The following TAF12 variants were observed in gnomAD, a reference collection of about 807,000 sequenced individuals.
The protein encoded by TAF12 is transcription initiation factor TFIID subunit 12.
TAF12 carries 3 observed loss-of-function variants against 20.8 expected under a neutral mutation model. The ratio of observed to expected loss-of-function variants is 0.14; its 90% confidence interval spans 0.07 to 0.37. The LOEUF (loss-of-function observed/expected upper bound fraction) is 0.37, where lower values mean the gene tolerates loss of function less well. Among genes scored for constraint, TAF12 ranks in the 10% least tolerant of loss-of-function variants. The probability of loss-of-function intolerance (pLI) is 1.00; values close to 1 mark genes in which losing one functional copy is unlikely to be tolerated. For missense variants in TAF12, 131 were observed against 197.9 expected, an observed-to-expected ratio of 0.66 and a Z score of 2.03; for synonymous variants, 69 against 70.2, an observed-to-expected ratio of 0.98 and a Z score of 0.09.
At chr1:28,617,344 G>A (rs188967888) in intron 3 of TAF12, among the ~76,000 whole-genome samples, 75 of 152,038 alleles carry the variant, frequency 4.9e-4, no homozygotes, top group African/African-American at 1.7e-3. Flanking sequence ...TATTGCAGTG[G>A]TACAATCTTG....
chr1:28,620,619 G>A (rs1199829253), intron 2 of TAF12, among the ~76,000 whole-genome samples: 2 of 151,148 alleles, frequency 1.3e-5, no homozygotes, highest in Non-Finnish European at 2.9e-5. Context: ...TGTATTTTTA[G>A]TAGAGACGGG....
upstream of TAF12, chr1:28,643,097 C>A: frequency 1.0e-6 from 1 of 985,912 alleles, no homozygotes; most frequent in African/African-American, 1.7e-5. Flanking sequence ...CTTCCGGCAC[C>A]GCTCCCCGCC....
intron 2 of TAF12, among the ~76,000 whole-genome samples, chr1:28,619,581 ATT>A (rs1369606333): frequency 6.9e-6 from 1 of 145,594 alleles, no homozygotes; most frequent in Non-Finnish European, 1.5e-5. Context: ...CTCAGTGCCC[ATT>A]TGAGTCTCTT....
upstream of TAF12, chr1:28,646,168 G>C (rs2124402287): frequency 6.6e-6 from 1 of 152,226 alleles, no homozygotes; most frequent in Admixed American, 6.6e-5. Context: ...CAGCCACTCA[G>C]GAGACTGACA....
intron 2 of TAF12, among the ~76,000 whole-genome samples, chr1:28,620,777 G>T (rs72663814): frequency 0.041 from 6,273 of 152,028 alleles, 162 homozygotes; most frequent in Middle Eastern, 0.085. Flanking sequence ...TTATACCATT[G>T]CACTCTAGCC....
chr1:28,632,506 ACT>A (rs1667667295), intron 1 of TAF12, among the ~76,000 whole-genome samples: 1 of 152,040 alleles, frequency 6.6e-6, no homozygotes, highest in Non-Finnish European at 1.5e-5. Context: ...GCAGAGTAAG[ACT>A]CTGTCTCAAC....
At chr1:28,616,787 TA>T (rs1196120700) in intron 3 of TAF12, among the ~76,000 whole-genome samples, 1 of 152,006 alleles carries the variant, frequency 6.6e-6, no homozygotes, top group African/African-American at 2.4e-5. Context: ...TTGAGTAGTG[TA>T]AAAAATTCTC....
At chr1:28,636,805 A>G (rs920405547) in intron 1 of TAF12, among the ~76,000 whole-genome samples, 8 of 145,842 alleles carry the variant, frequency 5.5e-5, no homozygotes, top group Admixed American at 6.9e-5. Flanking sequence ...TGTCTCAGGG[A>G]AAAAAAAAAA....
intron 4 of TAF12, among the ~76,000 whole-genome samples, chr1:28,605,917 C>T (rs1305139454): frequency 1.3e-5 from 2 of 152,206 alleles, no homozygotes; most frequent in Non-Finnish European, 2.9e-5. Flanking sequence ...GCCACAGGCT[C>T]ATTTGCCAGG....
chr1:28,643,009 T>G lies in TAF12; in HGVS notation c.-102A>C. On this transcript the variant is annotated 5_prime_UTR_variant, in exon 1 of 6. Coordinates refer to ENST00000373824, the MANE Select transcript of TAF12 (RefSeq NM_005644.4). The stretch of plus-strand genomic sequence containing the variant: ...AGACTCACAGGCAGCAGCGTCTATC[T>G]CCCCATGATATGCAGAGACTGCCCC... The G allele has an allele frequency of 1.0e-6, 1 of 985,884 alleles. No individual in the cohort carries two copies. The highest frequency in any genetic ancestry group is 1.2e-6 in the Non-Finnish European group (1 of 830,008). The allele number at this position is 985,884 out of a possible 1,614,324, so 61.1% of individuals were successfully genotyped here. A position where few individuals can be genotyped will look rare whatever the true frequency, so the allele number is the denominator to read the frequency against.
At chr1:28,628,666 TAAAG>T (rs1557469285) in intron 1 of TAF12, among the ~76,000 whole-genome samples, 2 of 150,058 alleles carry the variant, frequency 1.3e-5, no homozygotes, top group African/African-American at 4.9e-5. Flanking sequence ...ATGATTTAAA[TAAAG>T]ACTTTAAAAA....
chr1:28,628,861 T>C (rs1025303430), intron 1 of TAF12, among the ~76,000 whole-genome samples: 5 of 152,114 alleles, frequency 3.3e-5, no homozygotes, highest in Non-Finnish European at 5.9e-5. Context: ...TCACCTGAGG[T>C]TGGGAGTTCG....
intron 1 of TAF12, among the ~76,000 whole-genome samples, chr1:28,625,899 C>CT (rs1216886589): frequency 1.3e-5 from 2 of 151,216 alleles, no homozygotes; most frequent in Admixed American, 6.6e-5. Context: ...AGGCTGGTCT[C>CT]TAACTCCTGG....
At chr1:28,609,492 CT>C (rs1016521297) in intron 4 of TAF12, among the ~76,000 whole-genome samples, 2 of 148,212 alleles carry the variant, frequency 1.3e-5, no homozygotes, top group South Asian at 2.2e-4. Flanking sequence ...TTAACTTTAA[CT>C]TTTTTTTTTC....
At chr1:28,606,380 C>G (rs566344568) in intron 4 of TAF12, among the ~76,000 whole-genome samples, 1 of 151,378 alleles carries the variant, frequency 6.6e-6, no homozygotes, top group South Asian at 2.1e-4. Context: ...CTCAGGTGAT[C>G]TGCCTGCCTC....
chr1:28,639,426 C>CAAAA (rs58772752), intron 1 of TAF12, among the ~76,000 whole-genome samples: 3 of 89,540 alleles, frequency 3.4e-5, no homozygotes, highest in African/African-American at 9.7e-5. Context: ...CTCCGTCTCA[C>CAAAA]AAAAAAAAAA....
intron 1 of TAF12, among the ~76,000 whole-genome samples, chr1:28,630,772 G>A (rs958349116): frequency 4.6e-5 from 7 of 151,760 alleles, no homozygotes; most frequent in East Asian, 1.9e-4. Flanking sequence ...TGGGCCAGGC[G>A]TGGTGGCTCA....
Position 28,621,903 on chromosome 1 carries a change from G to A in TAF12, c.168+11C>T, listed in dbSNP as rs1351175947. On this transcript the variant is annotated intron_variant, in intron 2 of 5. Coordinates refer to ENST00000373824, the MANE Select transcript of TAF12 (RefSeq NM_005644.4). ...AGTGGCTACAGAGAAGAAAGAGTAA[G>A]AGGATGATACCTGATTGTTTTCAGG... The A allele has an allele frequency of 1.2e-6, 2 of 1,610,868 alleles. No homozygotes were observed.
intron 4 of TAF12, among the ~76,000 whole-genome samples, chr1:28,608,175 C>CAAAAAA (rs58747974): frequency 6.3e-5 from 4 of 63,736 alleles, no homozygotes; most frequent in African/African-American, 1.1e-4. Flanking sequence ...ACTAAAAATA[C>CAAAAAA]AAAAAAAAAA....
Sources: gnomAD v4.1 joint callset for allele counts (sites outside exome capture counted in the v4.1 genomes callset) on GRCh38, gnomAD v4.1.1 for gene constraint, MANE v1.5 for transcripts, NCBI Gene and HGNC (gene_info 2026-07-23, HGNC 2026-07-21) for gene names.